Variants in MCU observed in about 807,000 individuals in gnomAD.
The protein encoded by MCU is calcium uniporter protein, mitochondrial.
In MCU, 12 loss-of-function variants were observed where a neutral mutation model predicts 45.2. That is an observed-to-expected ratio of 0.27 (90% CI 0.17 to 0.43). The LOEUF is 0.43. Among genes scored for constraint, MCU ranks in the 20% least tolerant of loss-of-function variants. MCU has a pLI of 1.00. For missense variants in MCU, 324 were observed against 436.7 expected, an observed-to-expected ratio of 0.74 and a Z score of 2.30; for synonymous variants, 160 against 165.1, an observed-to-expected ratio of 0.97 and a Z score of 0.24.
At chr10:72,821,718 A>G (rs1364598090) in intron 1 of MCU, among the ~76,000 whole-genome samples, 1 of 152,336 alleles carries the variant, frequency 6.6e-6, no homozygotes, top group South Asian at 2.1e-4. Context: ...GCCCTTTGTC[A>G]TACACACAAA....
chr10:72,726,926 C>T (rs1032966700), intron 1 of MCU, among the ~76,000 whole-genome samples: 29 of 152,140 alleles, frequency 1.9e-4, no homozygotes, highest in African/African-American at 7.0e-4. Context: ...ACTGTGTTAC[C>T]TTAGTACAAA....
chr10:72,698,255 A>G (rs1307182742), intron 1 of MCU, among the ~76,000 whole-genome samples: 1 of 152,254 alleles, frequency 6.6e-6, no homozygotes. Flanking sequence ...GAGTGGTTTA[A>G]GTCAAAGGCA....
intron 2 of MCU, among the ~76,000 whole-genome samples, chr10:72,844,109 G>C (rs1845085182): frequency 6.6e-6 from 1 of 152,130 alleles, no homozygotes; most frequent in Non-Finnish European, 1.5e-5. Flanking sequence ...AAATTAGTCT[G>C]GGTGTGGTGG....
intron 5 of MCU, 21 bp from the exon 6 acceptor site, chr10:72,871,356 A>AT (rs1374551523): frequency 1.2e-6 from 2 of 1,611,570 alleles, no homozygotes; most frequent in Admixed American, 1.7e-5. Context: ...AAAATGCCTT[A>AT]TGATTATGTG....
At chr10:72,759,197 G>A (rs1444096705) in intron 1 of MCU, among the ~76,000 whole-genome samples, 2 of 152,146 alleles carry the variant, frequency 1.3e-5, no homozygotes, top group African/African-American at 2.4e-5. Context: ...CCTAGCCCCC[G>A]AGTGAGCAAT....
chr10:72,843,572 G>T (rs759097085), intron 2 of MCU, among the ~76,000 whole-genome samples: 2 of 152,162 alleles, frequency 1.3e-5, no homozygotes, highest in Admixed American at 6.6e-5. Flanking sequence ...CATCTTGGTT[G>T]CTTCCAAGTT....
chr10:72,734,232 C>T (rs1843220388), intron 1 of MCU, among the ~76,000 whole-genome samples: 1 of 152,078 alleles, frequency 6.6e-6, no homozygotes, highest in Admixed American at 6.6e-5. Flanking sequence ...GGTGATGGAG[C>T]AAGATCCTGT....
At chr10:72,832,197 G>T (rs1844888784) in intron 1 of MCU, among the ~76,000 whole-genome samples, 1 of 152,052 alleles carries the variant, frequency 6.6e-6, no homozygotes, top group South Asian at 2.1e-4. Flanking sequence ...GCCTCCCAAA[G>T]TGCTGTGATT....
At chr10:72,726,064 TTTTA>T (rs1843095363) in intron 1 of MCU, among the ~76,000 whole-genome samples, 1 of 151,930 alleles carries the variant, frequency 6.6e-6, no homozygotes, top group South Asian at 2.1e-4. Flanking sequence ...TCCTATCTGT[TTTTA>T]TTTATTTATA....
chr10:72,814,661 A>T (rs183263047), intron 1 of MCU, among the ~76,000 whole-genome samples: 1 of 152,232 alleles, frequency 6.6e-6, no homozygotes, highest in Admixed American at 6.5e-5. Flanking sequence ...AATACATACT[A>T]TGAAATCTAG....
intron 4 of MCU, among the ~76,000 whole-genome samples, chr10:72,866,236 A>C (rs923491452): frequency 6.6e-6 from 1 of 152,148 alleles, no homozygotes; most frequent in African/African-American, 2.4e-5. Flanking sequence ...AGCTGACTAC[A>C]GTAAGAGAGT....
chr10:72,801,065 C>T (rs1284946588), intron 1 of MCU, among the ~76,000 whole-genome samples: 2 of 152,124 alleles, frequency 1.3e-5, no homozygotes, highest in Non-Finnish European at 2.9e-5. Context: ...TGCACCCCAG[C>T]CTGAACGATA....
intron 1 of MCU, among the ~76,000 whole-genome samples, chr10:72,800,535 C>G (rs879913355): frequency 2.0e-5 from 3 of 152,140 alleles, no homozygotes; most frequent in Non-Finnish European, 4.4e-5. Context: ...GGTCATGTAT[C>G]AAGATTTATT....
chr10:72,720,363 G>C (rs1378874505), intron 1 of MCU, among the ~76,000 whole-genome samples: 4 of 152,190 alleles, frequency 2.6e-5, no homozygotes, highest in Non-Finnish European at 5.9e-5. Context: ...TAGGAATTCA[G>C]GTATATGTCT....
intron 1 of MCU, among the ~76,000 whole-genome samples, chr10:72,752,621 A>G (rs1356355209): frequency 6.6e-6 from 1 of 152,214 alleles, no homozygotes; most frequent in Non-Finnish European, 1.5e-5. Context: ...GATATGAAGG[A>G]CAATATGGGA....
intron 1 of MCU, chr10:72,693,059 C>T (rs1191280265): frequency 6.5e-7 from 1 of 1,536,048 alleles, no homozygotes; most frequent in East Asian, 2.4e-5. Context: ...ACAGGAGAAG[C>T]GAATATGGTA....
intron 1 of MCU, among the ~76,000 whole-genome samples, chr10:72,760,939 A>G (rs1048888331): frequency 1.6e-4 from 24 of 151,912 alleles, no homozygotes; most frequent in Admixed American, 1.2e-3. Context: ...AAATTCAAAC[A>G]TAGTCTCTCA....
At chr10:72,813,933 A>G (rs755437168) in intron 1 of MCU, among the ~76,000 whole-genome samples, 1 of 152,186 alleles carries the variant, frequency 6.6e-6, no homozygotes, top group Non-Finnish European at 1.5e-5. Flanking sequence ...TTTTTTAAAC[A>G]TAATTTAGGT....
intron 1 of MCU, among the ~76,000 whole-genome samples, chr10:72,706,028 C>A (rs1208734107): frequency 2.6e-5 from 4 of 151,990 alleles, no homozygotes; most frequent in Non-Finnish European, 5.9e-5. Flanking sequence ...TTATTGTATT[C>A]TCTGAAGCTT....
Sources: allele counts gnomAD v4.1 joint callset (sites outside exome capture counted in the v4.1 genomes callset), GRCh38; gene constraint gnomAD v4.1.1; transcripts MANE v1.5; gene names NCBI Gene and HGNC (gene_info 2026-07-23, HGNC 2026-07-21).